CHRM3: variants seen among roughly 807,000 people sequenced by gnomAD.
The protein encoded by CHRM3 is cholinergic receptor muscarinic 3.
A neutral mutation model predicts 41.8 loss-of-function variants in CHRM3; 11 were observed. The observed-to-expected ratio is 0.26, with a 90% CI of 0.17 to 0.44. The LOEUF (loss-of-function observed/expected upper bound fraction) is 0.44, where lower values mean the gene tolerates loss of function less well. Ranked by LOEUF, CHRM3 falls within the 20% of genes least tolerant of loss-of-function variation. CHRM3 has a pLI of 1.00. For missense variants in CHRM3, 571 were observed against 745.4 expected (o/e 0.77, Z 2.72); for synonymous variants, 297 against 301.4 (o/e 0.99, Z 0.15).
rs370082750 is a variant in CHRM3 at position 239,644,371 on chromosome 1, T to A, written c.-250+12085T>A. Among the ~76,000 whole-genome samples the A allele has an allele frequency of 8.6e-5, 13 of 151,170 alleles. No homozygotes were observed. In the East Asian group the frequency reaches 2.0e-3, roughly 23 times the overall value. On this transcript the variant is annotated intron_variant, in intron 4 of 6. Transcript: ENST00000676153. ...TCTTCCCACCCCTGGCTCTGTCCTG[T>A]TCCCCCAGGGTCCTCAGCCTCAGAG...
At chr1:239,424,393 G>A (rs532582632) in intron 1 of CHRM3, among the ~76,000 whole-genome samples, 1 of 151,972 alleles carries the variant, frequency 6.6e-6, no homozygotes, top group Non-Finnish European at 1.5e-5. Context: ...ATCTGCATTT[G>A]TGGTGGGGGT....
At chr1:239,736,747 C>A (rs1209611847) in intron 5 of CHRM3, among the ~76,000 whole-genome samples, 1 of 152,122 alleles carries the variant, frequency 6.6e-6, no homozygotes, top group African/African-American at 2.4e-5. Flanking sequence ...ATTGCACTGG[C>A]AGCATTGTGT....
intron 1 of CHRM3, among the ~76,000 whole-genome samples, chr1:239,391,648 C>T (rs2102917886): frequency 6.6e-6 from 1 of 152,314 alleles, no homozygotes; most frequent in African/African-American, 2.4e-5. Flanking sequence ...CACATTGACA[C>T]AGACCTAGGG....
intron 6 of CHRM3, among the ~76,000 whole-genome samples, chr1:239,892,533 A>G (rs1278217103): frequency 1.3e-5 from 2 of 152,190 alleles, no homozygotes; most frequent in Non-Finnish European, 2.9e-5. Context: ...TTTATTAATT[A>G]TTTGATTTTA....
At chr1:239,404,411 A>AG (rs1558195733) in intron 1 of CHRM3, among the ~76,000 whole-genome samples, 248 of 23,118 alleles carry the variant, frequency 0.011, 4 homozygotes, top group East Asian at 0.022. Context: ...AAAGAAAGAA[A>AG]AAGAAAGAAA....
Position 239,601,449 on chromosome 1 carries a change from A to G in CHRM3, c.-312-30775A>G, listed in dbSNP as rs139700383. ...CTGGCAGAGCTTATTGAGACATAAA[A>G]TGGGAAATAAATGGGAATGAGGTTA... On this transcript the variant is annotated intron_variant, in intron 3 of 6. Coordinates refer to ENST00000676153, the MANE Select transcript of CHRM3 (RefSeq NM_001375978.1). 2.6e-3 allele frequency among the ~76,000 whole-genome samples: 397 copies of G among 152,282 alleles called. 2 individuals are homozygous for G. The highest frequency in any genetic ancestry group is 4.8e-3 in the Non-Finnish European group (324 of 68,020).
At chr1:239,829,108 A>G (rs971838778) in intron 6 of CHRM3, among the ~76,000 whole-genome samples, 3 of 152,018 alleles carry the variant, frequency 2.0e-5, no homozygotes, top group Non-Finnish European at 2.9e-5. Context: ...ATTTCTTTCC[A>G]TCTCTGTGAT....
intron 3 of CHRM3, among the ~76,000 whole-genome samples, chr1:239,623,497 A>ATT (rs1463754765): frequency 1.2e-5 from 1 of 85,028 alleles, no homozygotes; most frequent in Non-Finnish European, 2.5e-5. Context: ...TTTTTTTTTT[A>ATT]ATTTTTTTTT....
intron 3 of CHRM3, chr1:239,629,558 T>C (rs931634427): frequency 2.6e-5 from 4 of 152,348 alleles, no homozygotes; most frequent in African/African-American, 9.6e-5. Flanking sequence ...ATTGCTTTCT[T>C]GGACATATTG....
intron 6 of CHRM3, among the ~76,000 whole-genome samples, chr1:239,874,273 T>C (rs1471337603): frequency 1.5e-5 from 2 of 135,034 alleles, no homozygotes; most frequent in Non-Finnish European, 3.1e-5. Flanking sequence ...CCTATATATA[T>C]CTATATACAC....
intron 5 of CHRM3, among the ~76,000 whole-genome samples, chr1:239,777,826 A>G (rs916232834): frequency 5.3e-5 from 8 of 152,182 alleles, no homozygotes; most frequent in Admixed American, 5.2e-4. Flanking sequence ...TGAATCCTTC[A>G]AATAGTTACA....
At chr1:239,817,827 C>G (rs568876432) in intron 5 of CHRM3, among the ~76,000 whole-genome samples, 7 of 152,278 alleles carry the variant, frequency 4.6e-5, no homozygotes, top group Non-Finnish European at 8.8e-5. Flanking sequence ...CCCTCTCACC[C>G]TCTCAGCCCA....
At chr1:239,663,663 C>G (rs1049062728) in intron 4 of CHRM3, among the ~76,000 whole-genome samples, 7 of 152,188 alleles carry the variant, frequency 4.6e-5, no homozygotes, top group African/African-American at 1.7e-4. Flanking sequence ...TGGAGTTGAA[C>G]AGTGCCAATG....
intron 3 of CHRM3, among the ~76,000 whole-genome samples, chr1:239,611,533 G>A (rs1046503349): frequency 2.8e-5 from 4 of 144,036 alleles, no homozygotes; most frequent in South Asian, 4.6e-4. Context: ...GGATTCTCCC[G>A]CCTCCACCTC....
chr1:239,693,784 T>C (rs185099790), intron 5 of CHRM3, among the ~76,000 whole-genome samples: 9 of 152,200 alleles, frequency 5.9e-5, no homozygotes, highest in Admixed American at 1.3e-4. Context: ...ACTTTGGATA[T>C]GCCATGCAAG....
intron 5 of CHRM3, among the ~76,000 whole-genome samples, chr1:239,804,291 G>T (rs1670448502): frequency 6.6e-6 from 1 of 152,056 alleles, no homozygotes; most frequent in Non-Finnish European, 1.5e-5. Flanking sequence ...AGGAGAAATT[G>T]ACTTCTTTCC....
chr1:239,660,856 G>T (rs557334609), intron 4 of CHRM3, among the ~76,000 whole-genome samples: 1 of 152,296 alleles, frequency 6.6e-6, no homozygotes, highest in Middle Eastern at 3.4e-3. Context: ...ACTCCAGCCT[G>T]GGTGACAGAG....
intron 3 of CHRM3, among the ~76,000 whole-genome samples, chr1:239,561,977 G>A (rs890559275): frequency 1.3e-5 from 2 of 151,902 alleles, no homozygotes; most frequent in Non-Finnish European, 2.9e-5. Flanking sequence ...TTTCTTTCCC[G>A]TCGTCCATTG....
intron 6 of CHRM3, among the ~76,000 whole-genome samples, chr1:239,841,555 G>A (rs886899425): frequency 6.6e-6 from 1 of 152,124 alleles, no homozygotes; most frequent in Non-Finnish European, 1.5e-5. Context: ...ATGAAAAGAA[G>A]TCCCATATGG....
Sources: allele counts gnomAD v4.1 joint callset (sites outside exome capture counted in the v4.1 genomes callset), GRCh38; gene constraint gnomAD v4.1.1; transcripts MANE v1.5; gene names NCBI Gene and HGNC (gene_info 2026-07-23, HGNC 2026-07-21).